Variants in RAB3GAP1 observed in about 807,000 individuals in gnomAD.
The protein encoded by RAB3GAP1 is RAB3 GTPase activating protein catalytic subunit 1, also known as rab3 GTPase-activating protein catalytic subunit.
A neutral mutation model predicts 130.7 loss-of-function variants in RAB3GAP1; 86 were observed. That is an observed-to-expected ratio of 0.66 (90% CI 0.55 to 0.79). The LOEUF (loss-of-function observed/expected upper bound fraction) is 0.79, where lower values mean the gene tolerates loss of function less well. Among genes scored for constraint, RAB3GAP1 ranks in the 30% least tolerant of loss-of-function variants. The pLI is 0.00. For missense variants in RAB3GAP1, 1,029 were observed against 1,169.4 expected, an observed-to-expected ratio of 0.88 and a Z score of 1.75; for synonymous variants, 367 against 401.7, an observed-to-expected ratio of 0.91 and a Z score of 1.03.
chr2:135,058,124 A>G lies in RAB3GAP1; in HGVS notation c.150+38A>G, dbSNP rs760468179. 5 of 1,524,054 alleles carry G rather than the reference A, an allele frequency of 3.3e-6. No individual in the cohort carries two copies. The South Asian group carries it at 5.6e-5, about 17-fold the overall frequency. 94.4% of individuals were successfully genotyped at this position (1,524,054 alleles called of 1,614,324 possible). A position where few individuals can be genotyped will look rare whatever the true frequency, so the allele number is the denominator to read the frequency against. On this transcript the variant is annotated intron_variant, in intron 3 of 23. Transcript: ENST00000264158. ...TGCTGGTGTCTCTAAATGACTATTT[A>G]CTTTGAAACCTCTATTTTCCAGCCC... is the stretch of plus-strand genomic sequence containing the variant.
chr2:135,124,953 A>G (rs965586213), intron 9 of RAB3GAP1, among the ~76,000 whole-genome samples: 5 of 152,230 alleles, frequency 3.3e-5, no homozygotes, highest in African/African-American at 1.2e-4. Context: ...AACATTTTTC[A>G]AACTTGAGAT....
rs767942264 is a variant in RAB3GAP1 at position 135,162,664 on chromosome 2, T to C, written c.2386+13T>C. The C allele has an allele frequency of 6.2e-7, 1 of 1,610,520 alleles. No individual in the cohort carries two copies. Among genetic ancestry groups the C allele is most frequent in the South Asian group, 1.1e-5 (1 of 91,012 alleles). On this transcript the variant is annotated intron_variant, in intron 20 of 23. Transcript: ENST00000264158. Reference sequence around the variant, plus strand: ...GTAAAGGAAGAAGGTAAATGTCATATTTAACTAGTCATTAGTCATTTCCAA... The same window carrying C: ...GTAAAGGAAGAAGGTAAATGTCATACTTAACTAGTCATTAGTCATTTCCAA...
chr2:135,106,512 G>C (rs1018918537), intron 5 of RAB3GAP1, among the ~76,000 whole-genome samples: 13 of 152,236 alleles, frequency 8.5e-5, no homozygotes, highest in Admixed American at 6.5e-4. Context: ...ATGGATTAAG[G>C]GCGGTGCAAG....
intron 3 of RAB3GAP1, among the ~76,000 whole-genome samples, chr2:135,081,327 A>ATATAC (rs1553440432): frequency 1.6e-5 from 1 of 64,070 alleles, no homozygotes; most frequent in Non-Finnish European, 2.3e-5. Flanking sequence ...AAAAAAAAAA[A>ATATAC]ATATATATAT....
At chr2:135,156,346 C>G (rs983441083) in intron 19 of RAB3GAP1, among the ~76,000 whole-genome samples, 5 of 152,098 alleles carry the variant, frequency 3.3e-5, no homozygotes, top group African/African-American at 7.2e-5. Flanking sequence ...TGTGAAGCAA[C>G]TATAACATTG....
chr2:135,089,468 C>G (rs1325028085), intron 3 of RAB3GAP1, among the ~76,000 whole-genome samples: 1 of 150,792 alleles, frequency 6.6e-6, no homozygotes. Context: ...TCTATAAATT[C>G]CTTTGGGCAG....
intron 21 of RAB3GAP1, 41 bp from the exon 22 acceptor site, chr2:135,162,945 T>C: frequency 6.3e-7 from 1 of 1,584,690 alleles, no homozygotes; most frequent in South Asian, 1.1e-5. Flanking sequence ...TTTGCTTTTT[T>C]GCCATCTCGC....
At chr2:135,167,956 T>TA (rs1323851681) in intron 23 of RAB3GAP1, among the ~76,000 whole-genome samples, 1 of 152,254 alleles carries the variant, frequency 6.6e-6, no homozygotes, top group African/African-American at 2.4e-5. Flanking sequence ...ACATGCATTT[T>TA]ATGTCATTTC....
chr2:135,124,312 T>G, intron 9 of RAB3GAP1, 66 bp downstream of exon 9: 1 of 1,435,620 alleles, frequency 7.0e-7, no homozygotes, highest in Non-Finnish European at 9.8e-7. Flanking sequence ...TTGATATTGA[T>G]TTCACTGTGC....
At chr2:135,128,013 A>G (rs62170247) in intron 11 of RAB3GAP1, among the ~76,000 whole-genome samples, 6,394 of 152,090 alleles carry the variant, frequency 0.042, 156 homozygotes, top group African/African-American at 0.055. Context: ...ACTCTCTATC[A>G]CTTGATATAT....
At chr2:135,078,461 C>T (rs979478915) in intron 3 of RAB3GAP1, among the ~76,000 whole-genome samples, 10 of 152,152 alleles carry the variant, frequency 6.6e-5, no homozygotes, top group Non-Finnish European at 1.2e-4. Flanking sequence ...CAAACTGTCC[C>T]ATTGAATATG....
At position 135,113,494 on chromosome 2, in the gene RAB3GAP1, A is replaced by G. The variant is rs62170181; in HGVS notation, c.482+224A>G. 0.042 allele frequency among the ~76,000 whole-genome samples: 6,378 copies of G among 152,266 alleles called. 160 individuals are homozygous for G. The highest frequency in any genetic ancestry group is 0.055 in the African/African-American group (2,285 of 41,548). On this transcript the variant is annotated intron_variant, in intron 6 of 23. Coordinates refer to ENST00000264158, the MANE Select transcript of RAB3GAP1 (RefSeq NM_012233.3). ...CAAACTGAAAGCTTAATTTAGGAGT[A>G]TACTTTTGGAACAATTAACTGAGTC...
At chr2:135,072,607 C>A (rs1212857973) in intron 3 of RAB3GAP1, among the ~76,000 whole-genome samples, 1 of 152,184 alleles carries the variant, frequency 6.6e-6, no homozygotes, top group African/African-American at 2.4e-5. Context: ...ATGATTTTCT[C>A]ATGACTTACG....
intron 23 of RAB3GAP1, among the ~76,000 whole-genome samples, chr2:135,166,189 G>GT (rs1333464999): frequency 2.0e-5 from 3 of 151,650 alleles, no homozygotes; most frequent in Non-Finnish European, 4.4e-5. Context: ...AAAGTTATGT[G>GT]TTAAGAGGAT....
intron 3 of RAB3GAP1, among the ~76,000 whole-genome samples, chr2:135,065,739 T>G (rs912237050): frequency 2.6e-5 from 4 of 151,736 alleles, no homozygotes; most frequent in African/African-American, 9.7e-5. Context: ...AAGGATCTCT[T>G]AAAATTTCTA....
At chr2:135,094,021 A>C (rs1289595279) in intron 5 of RAB3GAP1, among the ~76,000 whole-genome samples, 1 of 152,200 alleles carries the variant, frequency 6.6e-6, no homozygotes, top group African/African-American at 2.4e-5. Flanking sequence ...CAGGTTTTTA[A>C]TTAGGGGGCT....
Position 135,164,637 on chromosome 2 carries a change from G to T in RAB3GAP1, c.2650G>T (p.Gly884Cys). 1 of 1,613,442 alleles carries T rather than the reference G, an allele frequency of 6.2e-7. No individual in the cohort carries two copies. The highest frequency in any genetic ancestry group is 1.1e-5 in the South Asian group (1 of 91,020). The change falls in exon 23 of 24, where the codon GGT (glycine) becomes TGT (cysteine). Residue 884 changes from glycine to cysteine, a missense_variant. Around this residue, in one of 3 missense-constraint regions of RAB3GAP1, gnomAD observed 146 missense variants for 143.7 expected, o/e 1.02. Coordinates refer to ENST00000264158, the MANE Select transcript of RAB3GAP1 (RefSeq NM_012233.3). ...GGAGCAGCCTGAAGTGTTAGTCACC[G>T]GTGCAGGAAGAGGACATGCTGGCAG... ...LLEQPEVLVT[G>C]AGRGHAGRII...
chr2:135,095,475 T>C (rs1447540876), intron 5 of RAB3GAP1, among the ~76,000 whole-genome samples: 1 of 152,228 alleles, frequency 6.6e-6, no homozygotes, highest in African/African-American at 2.4e-5. Flanking sequence ...TTAAATATCA[T>C]AGAAATTTTA....
chr2:135,132,927 A>T lies in RAB3GAP1; in HGVS notation c.1269A>T (p.Pro423=). The T allele has an allele frequency of 6.3e-7, 1 of 1,583,306 alleles. No homozygotes were observed. The highest frequency in any genetic ancestry group is 8.7e-7 in the Non-Finnish European group (1 of 1,152,360). ...TCCCTGATGCTGTTTCTGAGAAACC[A>T]TTAGATGGAACTACTTCAACAGATA... ...FLFPDAVSEK[P]LDGTTSTDNN... The change falls in exon 14 of 24, where the codon CCA becomes CCT. Residue 423 remains proline, a synonymous_variant. Coordinates refer to ENST00000264158, the MANE Select transcript of RAB3GAP1 (RefSeq NM_012233.3).
Sources: gnomAD v4.1 joint callset for allele counts (sites outside exome capture counted in the v4.1 genomes callset) on GRCh38, gnomAD v4.1.1 for gene constraint, gnomAD v4.1.1 regional missense constraint, MANE v1.5 for transcripts, NCBI Gene and HGNC (gene_info 2026-07-23, HGNC 2026-07-21) for gene names.